The following KIF26B variants were observed in gnomAD, a reference collection of about 807,000 sequenced individuals.
KIF26B encodes the protein kinesin-like protein KIF26B.
In KIF26B, 63 loss-of-function variants were observed where a neutral mutation model predicts 151.2. That is an observed-to-expected ratio of 0.42 (90% CI 0.34 to 0.51). The LOEUF is 0.51. Among genes scored for constraint, KIF26B ranks in the 20% least tolerant of loss-of-function variants. The pLI, the probability that KIF26B is intolerant of heterozygous loss-of-function variation, is 0.07. For synonymous variants in KIF26B, 1,357 were observed against 1,262.1 expected, an observed-to-expected ratio of 1.08 and a Z score of -1.59; for missense variants, 2,813 against 2,913.6, an observed-to-expected ratio of 0.97 and a Z score of 0.79.
intron 3 of KIF26B, among the ~76,000 whole-genome samples, chr1:245,400,515 C>T (rs1281812795): frequency 7.0e-6 from 1 of 143,588 alleles, no homozygotes; most frequent in African/African-American, 2.6e-5. Flanking sequence ...TTGAAATTAC[C>T]TTGGCTACTT....
chr1:245,418,667 A>G (rs1334663163), intron 3 of KIF26B, among the ~76,000 whole-genome samples: 5 of 152,182 alleles, frequency 3.3e-5, no homozygotes, highest in Admixed American at 2.6e-4. Context: ...TTTTTCAACT[A>G]AAGTTTCCTC....
intron 2 of KIF26B, among the ~76,000 whole-genome samples, chr1:245,190,701 A>T (rs1669090500): frequency 6.9e-6 from 1 of 143,976 alleles, no homozygotes; most frequent in Admixed American, 7.1e-5. Flanking sequence ...CTTATAAAAT[A>T]CTCTTTGATT....
At chr1:245,561,974 G>A (rs564926651) in intron 5 of KIF26B, among the ~76,000 whole-genome samples, 1 of 152,194 alleles carries the variant, frequency 6.6e-6, no homozygotes, top group African/African-American at 2.4e-5. Context: ...TGTGGATGCT[G>A]AAGGGCACTC....
chr1:245,691,484 T>G (rs2044626324), intron 12 of KIF26B, among the ~76,000 whole-genome samples: 1 of 152,244 alleles, frequency 6.6e-6, no homozygotes, highest in Admixed American at 6.5e-5. Flanking sequence ...AGTGGAGATG[T>G]GCTGGTTTCA....
At chr1:245,268,733 C>T (rs962836877) in intron 2 of KIF26B, among the ~76,000 whole-genome samples, 2 of 152,024 alleles carry the variant, frequency 1.3e-5, no homozygotes, top group Non-Finnish European at 2.9e-5. Context: ...TCCAATCCTC[C>T]AGTCATCCCT....
chr1:245,536,930 C>A (rs891235065), intron 4 of KIF26B, among the ~76,000 whole-genome samples: 3 of 152,184 alleles, frequency 2.0e-5, no homozygotes, highest in African/African-American at 7.2e-5. Flanking sequence ...GTATCCAAAG[C>A]TCAGAAGCTC....
chr1:245,520,611 C>CCCAT (rs1210147249), intron 4 of KIF26B, among the ~76,000 whole-genome samples: 5,119 of 78,666 alleles, frequency 0.065, 364 homozygotes, highest in African/African-American at 0.17. Context: ...CACCCACCCA[C>CCCAT]CCATCCATCC....
chr1:245,369,195 G>GAGAGACAGACAGAC (rs375330671), intron 3 of KIF26B, among the ~76,000 whole-genome samples: 1 of 129,506 alleles, frequency 7.7e-6, no homozygotes, highest in Admixed American at 7.5e-5. Context: ...GAGAGAGAGA[G>GAGAGACAGACAGAC]AGACAGACAG....
Position 245,358,910 on chromosome 1 carries a change from A to G in KIF26B, c.466-7924A>G, listed in dbSNP as rs984305909. Among the ~76,000 whole-genome samples the G allele has an allele frequency of 3.3e-5, 5 of 152,220 alleles. No homozygotes were observed. Among genetic ancestry groups the G allele is most frequent in the Non-Finnish European group, 7.3e-5 (5 of 68,046 alleles). ...TAGTAGGAATCTACTTTCCCATCTTAAGCTCTGAATCTATTTGTGAAGGGA... is the reference window on the plus strand; with the variant it reads ...TAGTAGGAATCTACTTTCCCATCTTGAGCTCTGAATCTATTTGTGAAGGGA... On this transcript the variant is annotated intron_variant, in intron 2 of 14. Transcript: ENST00000407071. This position sits in a 1 kb window ranked among gnomAD's most constrained non-coding sequence, Gnocchi z 4.1.
chr1:245,405,988 T>C (rs1397232924), intron 3 of KIF26B, among the ~76,000 whole-genome samples: 3 of 152,340 alleles, frequency 2.0e-5, no homozygotes, highest in East Asian at 3.9e-4. Context: ...GAATTTCTTT[T>C]TTGTCATTTT....
Position 245,244,693 on chromosome 1 carries a change from C to T in KIF26B, c.465+88010C>T, listed in dbSNP as rs908807783. 1.3e-5 allele frequency among the ~76,000 whole-genome samples: 2 copies of T among 151,306 alleles called. No homozygotes were observed. Among genetic ancestry groups the T allele is most frequent in the Non-Finnish European group, 2.9e-5 (2 of 67,880 alleles). On this transcript the variant is annotated intron_variant, in intron 2 of 14. Coordinates refer to ENST00000407071, the MANE Select transcript of KIF26B (RefSeq NM_018012.4). The surrounding 1 kb of genome is among the most constrained non-coding windows in gnomAD (Gnocchi z 4.2). The stretch of plus-strand genomic sequence containing the variant: ...CTTCATACTGTTGTCTTAGGTGTTC[C>T]TTGTAACCAGACTTCAAACTATCTG...
chr1:245,480,746 G>T (rs543330083), intron 4 of KIF26B, among the ~76,000 whole-genome samples: 1 of 148,724 alleles, frequency 6.7e-6, no homozygotes, highest in East Asian at 2.0e-4. Flanking sequence ...TGTTCCAAGT[G>T]CTAAGTAGTT....
chr1:245,559,563 C>T (rs2042917221), intron 5 of KIF26B, among the ~76,000 whole-genome samples: 1 of 151,858 alleles, frequency 6.6e-6, no homozygotes, highest in Non-Finnish European at 1.5e-5. Flanking sequence ...AGGCGCACGC[C>T]CCCACACCTG....
intron 12 of KIF26B, among the ~76,000 whole-genome samples, chr1:245,689,618 C>T (rs1011689804): frequency 6.6e-6 from 1 of 152,168 alleles, no homozygotes; most frequent in Non-Finnish European, 1.5e-5. Flanking sequence ...AGTGCAATGG[C>T]GTGATCTTGC....
intron 2 of KIF26B, among the ~76,000 whole-genome samples, chr1:245,273,786 T>C (rs879794320): frequency 7.2e-5 from 11 of 152,204 alleles, no homozygotes; most frequent in Non-Finnish European, 1.5e-4. Flanking sequence ...GTAGACAGCA[T>C]ATAGCTGAAG....
Position 245,193,535 on chromosome 1 carries a change from T to A in KIF26B, c.465+36852T>A, listed in dbSNP as rs138265015. On this transcript the variant is annotated intron_variant, in intron 2 of 14. Transcript: ENST00000407071. ...AATAACCTTTTTTCAAAATTTCATA[T>A]TTTTTTCTCATTTTAGGAATGTAAT... Among the ~76,000 whole-genome samples the A allele has an allele frequency of 4.6e-5, 7 of 151,876 alleles. No individual in the cohort carries two copies. The East Asian group carries it at 1.4e-3, about 29-fold the overall frequency.
chr1:245,213,457 C>T (rs889729203), intron 2 of KIF26B, among the ~76,000 whole-genome samples: 3 of 152,238 alleles, frequency 2.0e-5, no homozygotes, highest in African/African-American at 7.2e-5. Context: ...GATCAGCAAA[C>T]CCTTAACTCC....
intron 10 of KIF26B, among the ~76,000 whole-genome samples, chr1:245,674,550 C>G (rs997813365): frequency 6.6e-6 from 1 of 152,162 alleles, no homozygotes; most frequent in Non-Finnish European, 1.5e-5. Flanking sequence ...TCTATTGATT[C>G]AGGAGAAATC....
chr1:245,400,984 AT>A (rs894800828), intron 3 of KIF26B, among the ~76,000 whole-genome samples: 2 of 151,908 alleles, frequency 1.3e-5, no homozygotes, highest in Non-Finnish European at 2.9e-5. Context: ...CAATGATCCC[AT>A]TTTTTTTCTT....
Sources: allele counts gnomAD v4.1 joint callset (sites outside exome capture counted in the v4.1 genomes callset), GRCh38; gene constraint gnomAD v4.1.1; non-coding constraint Gnocchi (gnomAD v3.1); transcripts MANE v1.5; gene names NCBI Gene and HGNC (gene_info 2026-07-23, HGNC 2026-07-21).